CHCHD3: variants seen among roughly 807,000 people sequenced by gnomAD.
CHCHD3 encodes MICOS complex subunit MIC19.
Under a neutral mutation model 38.2 loss-of-function variants are expected in CHCHD3, and 20 were observed. The observed-to-expected ratio is 0.52, with a 90% CI of 0.37 to 0.76. CHCHD3 has a LOEUF of 0.76. CHCHD3 is among the 30% of genes least tolerant of loss of function. The probability of loss-of-function intolerance (pLI) is 0.00; values close to 1 mark genes in which losing one functional copy is unlikely to be tolerated. For missense variants in CHCHD3, 245 were observed against 279.2 expected, an observed-to-expected ratio of 0.88 and a Z score of 0.87; for synonymous variants, 82 against 100.0, an observed-to-expected ratio of 0.82 and a Z score of 1.07.
intron 4 of CHCHD3, among the ~76,000 whole-genome samples, chr7:132,967,800 G>A (rs1030745816): frequency 1.4e-5 from 2 of 147,004 alleles, no homozygotes; most frequent in African/African-American, 5.0e-5. Context: ...CTGCACTCCA[G>A]CCTGGGCAAC....
chr7:132,877,465 G>C (rs1480563283), intron 5 of CHCHD3, among the ~76,000 whole-genome samples: 2 of 152,128 alleles, frequency 1.3e-5, no homozygotes, highest in Non-Finnish European at 2.9e-5. Flanking sequence ...TTCCATCTTT[G>C]CACCTAAGTT....
At chr7:132,854,261 T>C (rs1178340202) in intron 5 of CHCHD3, among the ~76,000 whole-genome samples, 1 of 152,238 alleles carries the variant, frequency 6.6e-6, no homozygotes, top group Non-Finnish European at 1.5e-5. Context: ...AACAAGTATT[T>C]AGCCACAGAA....
intron 3 of CHCHD3, among the ~76,000 whole-genome samples, chr7:132,986,469 T>C (rs2117360611): frequency 6.7e-6 from 1 of 149,384 alleles, no homozygotes; most frequent in African/African-American, 2.5e-5. Flanking sequence ...GAGTGCTGGA[T>C]TGCTAAGAAA....
intron 2 of CHCHD3, among the ~76,000 whole-genome samples, chr7:133,045,754 G>A (rs1813964370): frequency 6.6e-6 from 1 of 152,066 alleles, no homozygotes; most frequent in Non-Finnish European, 1.5e-5. Context: ...AGGCCTGATG[G>A]GAGGTGACTG....
intron 1 of CHCHD3, among the ~76,000 whole-genome samples, chr7:133,080,487 C>G (rs1319416102): frequency 6.6e-6 from 1 of 152,286 alleles, no homozygotes; most frequent in South Asian, 2.1e-4. Context: ...TCTTCTCACT[C>G]AAAACTTATT....
chr7:133,068,001 A>G (rs1814719952), intron 2 of CHCHD3, among the ~76,000 whole-genome samples: 1 of 152,126 alleles, frequency 6.6e-6, no homozygotes, highest in Non-Finnish European at 1.5e-5. Flanking sequence ...CTGTAGTCCC[A>G]GCTACTCAGG....
intron 6 of CHCHD3, among the ~76,000 whole-genome samples, chr7:132,836,841 C>T (rs1330039028): frequency 6.6e-6 from 1 of 152,140 alleles, no homozygotes; most frequent in Non-Finnish European, 1.5e-5. Context: ...TGCCAGGTTA[C>T]TTTTCCTTCA....
At chr7:132,913,442 A>G (rs1281579262) in intron 4 of CHCHD3, among the ~76,000 whole-genome samples, 2 of 152,196 alleles carry the variant, frequency 1.3e-5, no homozygotes, top group Admixed American at 1.3e-4. Flanking sequence ...CTGGGTAGGA[A>G]TTCATCCATC....
intron 2 of CHCHD3, among the ~76,000 whole-genome samples, chr7:133,057,782 A>G (rs1814385946): frequency 6.6e-6 from 1 of 152,188 alleles, no homozygotes; most frequent in African/African-American, 2.4e-5. Context: ...TATTATTTGT[A>G]TGTTTATCAA....
At chr7:132,871,116 G>A (rs147249248) in intron 5 of CHCHD3, among the ~76,000 whole-genome samples, 14 of 152,214 alleles carry the variant, frequency 9.2e-5, no homozygotes, top group East Asian at 1.9e-4. Flanking sequence ...AGGAATATTC[G>A]TTCAAAACTA....
rs543168060 is a variant in CHCHD3, at chr7:132,830,274, G to A, written c.524+8125C>T. Among the ~76,000 whole-genome samples the A allele has an allele frequency of 5.3e-5, 8 of 152,286 alleles. No homozygotes were observed. In the South Asian group the frequency reaches 1.7e-3, roughly 32 times the overall value. ...CTCACTTTCCTTGGACTAATTTGTT[G>A]CTTGGTGGGAGGTGGACAGACAAAC... On this transcript the variant is annotated intron_variant, in intron 6 of 7. Transcript: ENST00000262570.
At chr7:133,060,122 A>G (rs1814459566) in intron 2 of CHCHD3, among the ~76,000 whole-genome samples, 1 of 152,220 alleles carries the variant, frequency 6.6e-6, no homozygotes, top group Admixed American at 6.5e-5. Context: ...GAAAATGAGG[A>G]AATGGCTCTT....
chr7:132,803,176 G>A (rs1806832429), intron 6 of CHCHD3, among the ~76,000 whole-genome samples: 1 of 152,142 alleles, frequency 6.6e-6, no homozygotes, highest in African/African-American at 2.4e-5. Context: ...TATAATAATT[G>A]CAAATTTGAA....
intron 4 of CHCHD3, among the ~76,000 whole-genome samples, chr7:132,951,408 C>A (rs944727259): frequency 6.6e-6 from 1 of 152,144 alleles, no homozygotes; most frequent in Non-Finnish European, 1.5e-5. Flanking sequence ...CTTTCTATAA[C>A]CTGTTGGGAA....
chr7:132,833,106 T>G (rs886220917), intron 6 of CHCHD3, among the ~76,000 whole-genome samples: 4 of 152,218 alleles, frequency 2.6e-5, no homozygotes, highest in African/African-American at 9.6e-5. Flanking sequence ...AAATAATACT[T>G]TGTTTAATTA....
chr7:133,027,532 A>C (rs1347022070), intron 2 of CHCHD3, among the ~76,000 whole-genome samples: 6 of 152,110 alleles, frequency 3.9e-5, no homozygotes, highest in African/African-American at 1.2e-4. Flanking sequence ...TTTAATGTCT[A>C]ATCCCACCAT....
chr7:133,035,320 G>A lies in CHCHD3; in HGVS notation c.170-10693C>T, dbSNP rs546478463. ...AGTTTCAGTTCCCCCAAGACAGCCC[G>A]GAACTGGGGCTGGTTAATGCAGGTG... is the stretch of plus-strand genomic sequence containing the variant. On this transcript the variant is annotated intron_variant, in intron 2 of 7. Transcript: ENST00000262570. This position sits in a 1 kb window ranked among gnomAD's most constrained non-coding sequence, Gnocchi z 4.7. 2.2e-5 allele frequency: 36 copies of A among 1,610,092 alleles called. No individual in the cohort carries two copies. The East Asian group carries it at 6.5e-4, about 29-fold the overall frequency.
intron 3 of CHCHD3, among the ~76,000 whole-genome samples, chr7:132,979,843 A>T (rs1165105414): frequency 1.3e-5 from 2 of 152,164 alleles, no homozygotes; most frequent in Non-Finnish European, 1.5e-5. Flanking sequence ...TCAAAATTGT[A>T]CCATTCTCCA....
At chr7:132,967,665 A>ATAAG (rs1793100045) in intron 4 of CHCHD3, among the ~76,000 whole-genome samples, 1 of 150,462 alleles carries the variant, frequency 6.6e-6, no homozygotes, top group Admixed American at 6.6e-5. Flanking sequence ...AAATAAATAA[A>ATAAG]TAAAATAAAA....
Sources: gnomAD v4.1 joint callset for allele counts (sites outside exome capture counted in the v4.1 genomes callset) on GRCh38, gnomAD v4.1.1 for gene constraint, Gnocchi (gnomAD v3.1) non-coding constraint, MANE v1.5 for transcripts, NCBI Gene and HGNC (gene_info 2026-07-23, HGNC 2026-07-21) for gene names.